The following CTNNA3 variants were observed in gnomAD, a reference collection of about 807,000 sequenced individuals.
The protein encoded by CTNNA3 is catenin alpha 3, also known as catenin alpha-3.
CTNNA3 carries 76 observed loss-of-function variants against 95.7 expected under a neutral mutation model. The observed-to-expected ratio is 0.79, with a 90% CI of 0.66 to 0.96. CTNNA3 has a LOEUF of 0.96. CTNNA3 is among the 40% of genes least tolerant of loss of function. The pLI is 0.00. For synonymous variants in CTNNA3, 431 were observed against 374.4 expected (o/e 1.15, Z -1.74); for missense variants, 1,191 against 1,089.8 (o/e 1.09, Z -1.31).
intron 13 of CTNNA3, among the ~76,000 whole-genome samples, chr10:66,137,088 G>A (rs1224393630): frequency 6.6e-6 from 1 of 151,796 alleles, no homozygotes; most frequent in African/African-American, 2.4e-5. Flanking sequence ...TCCCAAAGTG[G>A]CTTGAGCCAC....
At chr10:66,630,045 T>C (rs1159796691) in intron 9 of CTNNA3, among the ~76,000 whole-genome samples, 1 of 152,118 alleles carries the variant, frequency 6.6e-6, no homozygotes, top group East Asian at 1.9e-4. Flanking sequence ...TTAGCATACA[T>C]TTCCCCAGAT....
chr10:66,799,729 C>T (rs565892841), intron 7 of CTNNA3, among the ~76,000 whole-genome samples: 19 of 150,950 alleles, frequency 1.3e-4, no homozygotes, highest in African/African-American at 3.6e-4. Context: ...TTTCCACACC[C>T]GAAGAAAGGA....
chr10:66,903,731 A>G (rs544188553), intron 7 of CTNNA3, among the ~76,000 whole-genome samples: 2 of 152,326 alleles, frequency 1.3e-5, no homozygotes, highest in South Asian at 2.1e-4. Flanking sequence ...CCATACACCA[A>G]TAACAGACCA....
chr10:66,997,360 T>G (rs139797003), intron 7 of CTNNA3, among the ~76,000 whole-genome samples: 1 of 152,350 alleles, frequency 6.6e-6, no homozygotes, highest in Non-Finnish European at 1.5e-5. Flanking sequence ...CTTTCTTGTT[T>G]GTAAAAATTA....
chr10:65,958,403 A>G (rs2077775814), intron 17 of CTNNA3, among the ~76,000 whole-genome samples: 1 of 152,128 alleles, frequency 6.6e-6, no homozygotes, highest in African/African-American at 2.4e-5. Flanking sequence ...CGTCAAAGTC[A>G]TTCCCCGTCC....
chr10:65,948,434 A>G (rs2077558487), intron 17 of CTNNA3, among the ~76,000 whole-genome samples: 1 of 152,164 alleles, frequency 6.6e-6, no homozygotes. Flanking sequence ...GAATGTTGCT[A>G]GAAAACTCAA....
intron 13 of CTNNA3, among the ~76,000 whole-genome samples, chr10:66,202,391 G>A (rs2087484517): frequency 6.6e-6 from 1 of 152,150 alleles, no homozygotes; most frequent in Non-Finnish European, 1.5e-5. Context: ...TAAGGCAAAT[G>A]CCAAGGTACA....
chr10:67,465,845 C>T (rs1390895797), intron 5 of CTNNA3, among the ~76,000 whole-genome samples: 2 of 152,096 alleles, frequency 1.3e-5, no homozygotes, highest in South Asian at 2.1e-4. Flanking sequence ...TAGTTATTTT[C>T]CCCCACATCG....
At chr10:67,736,989 C>T (rs1480007437) in intron 1 of CTNNA3, among the ~76,000 whole-genome samples, 1 of 151,014 alleles carries the variant, frequency 6.6e-6, no homozygotes, top group East Asian at 2.0e-4. Context: ...GGGGGGACAG[C>T]GTCTCACACT....
At chr10:66,136,696 A>G (rs576494616) in intron 13 of CTNNA3, among the ~76,000 whole-genome samples, 2 of 152,274 alleles carry the variant, frequency 1.3e-5, no homozygotes, top group Admixed American at 1.3e-4. Flanking sequence ...CATCACTGAA[A>G]GCGGAGTTTA....
At chr10:66,200,929 A>G (rs1415930476) in intron 13 of CTNNA3, among the ~76,000 whole-genome samples, 2 of 152,180 alleles carry the variant, frequency 1.3e-5, no homozygotes, top group East Asian at 3.9e-4. Context: ...CATTTAGATT[A>G]GTATTTTTCT....
intron 3 of CTNNA3, among the ~76,000 whole-genome samples, chr10:67,597,788 G>A (rs1842971381): frequency 6.6e-6 from 1 of 152,192 alleles, no homozygotes; most frequent in Non-Finnish European, 1.5e-5. Flanking sequence ...ATGTGCTCCA[G>A]TGGCACCAGG....
intron 11 of CTNNA3, among the ~76,000 whole-genome samples, chr10:66,434,973 T>C (rs2093326755): frequency 6.6e-6 from 1 of 152,068 alleles, no homozygotes; most frequent in Non-Finnish European, 1.5e-5. Flanking sequence ...TGTTGAACCA[T>C]CCTTGCATCC....
At chr10:66,904,200 G>A (rs550591964) in intron 7 of CTNNA3, among the ~76,000 whole-genome samples, 1 of 152,112 alleles carries the variant, frequency 6.6e-6, no homozygotes, top group African/African-American at 2.4e-5. Context: ...CAGAACAGAG[G>A]CCTGAGAAAT....
At chr10:66,072,665 G>GA (rs2080465554) in intron 14 of CTNNA3, among the ~76,000 whole-genome samples, 1 of 151,894 alleles carries the variant, frequency 6.6e-6, no homozygotes, top group African/African-American at 2.4e-5. Flanking sequence ...GGCTGGTCTT[G>GA]AACTCCTGAC....
chr10:66,882,658 A>T (rs1844894038), intron 7 of CTNNA3, among the ~76,000 whole-genome samples: 2 of 152,160 alleles, frequency 1.3e-5, no homozygotes, highest in African/African-American at 4.8e-5. Context: ...TTATTGCTTC[A>T]AAAAGTAGAA....
intron 7 of CTNNA3, chr10:67,098,657 T>G (rs1204031125): frequency 6.6e-6 from 1 of 152,270 alleles, no homozygotes; most frequent in Non-Finnish European, 1.5e-5. Flanking sequence ...AAAACATCAC[T>G]GGAAACAAAG....
intron 2 of CTNNA3, among the ~76,000 whole-genome samples, chr10:67,639,625 G>A (rs187042064): frequency 4.0e-5 from 6 of 150,626 alleles, no homozygotes; most frequent in African/African-American, 7.5e-5. Flanking sequence ...CTGGCAAACC[G>A]AATCCAGCAA....
At chr10:67,140,923 A>C (rs1860528618) in intron 7 of CTNNA3, among the ~76,000 whole-genome samples, 1 of 152,208 alleles carries the variant, frequency 6.6e-6, no homozygotes, top group Non-Finnish European at 1.5e-5. Flanking sequence ...TTAATGGGTG[A>C]GGTGTTGATC....
Sources: gnomAD v4.1 joint callset for allele counts (sites outside exome capture counted in the v4.1 genomes callset) on GRCh38, gnomAD v4.1.1 for gene constraint, MANE v1.5 for transcripts, NCBI Gene and HGNC (gene_info 2026-07-23, HGNC 2026-07-21) for gene names.